The following FRMD3 variants were observed in gnomAD, a reference collection of about 807,000 sequenced individuals.
FRMD3 encodes the protein FERM domain containing 3.
A neutral mutation model predicts 70.2 loss-of-function variants in FRMD3; 33 were observed. That is an observed-to-expected ratio of 0.47 (90% CI 0.36 to 0.63). FRMD3 has a LOEUF of 0.63. FRMD3 is among the 20% of genes least tolerant of loss of function. The probability of loss-of-function intolerance (pLI) is 0.00; values close to 1 mark genes in which losing one functional copy is unlikely to be tolerated. For synonymous variants in FRMD3, 279 were observed against 255.9 expected (o/e 1.09, Z -0.86); for missense variants, 632 against 711.4 (o/e 0.89, Z 1.27).
intron 1 of FRMD3, among the ~76,000 whole-genome samples, chr9:83,530,991 A>G (rs1302586957): frequency 6.6e-6 from 1 of 152,168 alleles, no homozygotes; most frequent in Non-Finnish European, 1.5e-5. Context: ...TCACTGCTTC[A>G]GGGGTAAGCA....
At chr9:83,370,334 A>G (rs1032591706) in intron 3 of FRMD3, among the ~76,000 whole-genome samples, 1 of 152,238 alleles carries the variant, frequency 6.6e-6, no homozygotes, top group African/African-American at 2.4e-5. Flanking sequence ...GTACAAGAAC[A>G]CAGAAATTCT....
chr9:83,393,973 A>G (rs1825745102), intron 1 of FRMD3, among the ~76,000 whole-genome samples: 1 of 149,554 alleles, frequency 6.7e-6, no homozygotes, highest in African/African-American at 2.5e-5. Context: ...ATATTGGTCC[A>G]AAGTAGACTG....
chr9:83,486,486 T>C (rs1828693040), intron 1 of FRMD3, among the ~76,000 whole-genome samples: 1 of 152,186 alleles, frequency 6.6e-6, no homozygotes, highest in Admixed American at 6.5e-5. Flanking sequence ...ATCTTTAAAA[T>C]GACAGGAGGT....
the FRMD3 span, among the ~76,000 whole-genome samples, chr9:83,585,038 A>G: frequency 6.6e-6 from 1 of 152,166 alleles, no homozygotes; most frequent in Non-Finnish European, 1.5e-5. Context: ...TTAAAACCTT[A>G]GGAACATCAC....
intron 10 of FRMD3, among the ~76,000 whole-genome samples, chr9:83,303,807 AATC>A: frequency 6.6e-6 from 1 of 152,334 alleles, no homozygotes; most frequent in South Asian, 2.1e-4. Flanking sequence ...TACGAAAATC[AATC>A]ACCACTATCT....
chr9:83,337,677 A>T (rs1823625129), intron 5 of FRMD3, among the ~76,000 whole-genome samples: 1 of 152,236 alleles, frequency 6.6e-6, no homozygotes, highest in South Asian at 2.1e-4. Flanking sequence ...CCTTGAGTGC[A>T]TCTGAAAAAT....
chr9:83,509,093 C>T (rs930182228), intron 1 of FRMD3, among the ~76,000 whole-genome samples: 48 of 146,170 alleles, frequency 3.3e-4, no homozygotes, highest in Non-Finnish European at 6.1e-4. Context: ...ATTTTTGCCT[C>T]CCTTCAGGAG....
chr9:83,273,338 C>G (rs1833676362), intron 13 of FRMD3, among the ~76,000 whole-genome samples: 2 of 151,024 alleles, frequency 1.3e-5, no homozygotes, highest in Admixed American at 6.6e-5. Flanking sequence ...TACCCCCAAC[C>G]CCGTGCTCTC....
At chr9:83,405,081 G>A (rs1343190094) in intron 1 of FRMD3, among the ~76,000 whole-genome samples, 2 of 152,122 alleles carry the variant, frequency 1.3e-5, no homozygotes, top group African/African-American at 2.4e-5. Flanking sequence ...AGTGAAGACC[G>A]ACCATCTCTG....
intron 5 of FRMD3, 148 bp from the exon 6 acceptor site, chr9:83,335,787 G>T: frequency 1.6e-6 from 1 of 617,442 alleles, no homozygotes; most frequent in African/African-American, 1.9e-5. Flanking sequence ...GAAAGCCTGA[G>T]TGTCTAGAGG....
At chr9:83,410,313 C>A (rs1007945377) in intron 1 of FRMD3, among the ~76,000 whole-genome samples, 1 of 152,138 alleles carries the variant, frequency 6.6e-6, no homozygotes, top group Non-Finnish European at 1.5e-5. Flanking sequence ...CTCCCTCCCC[C>A]ACAGTAGTCC....
chr9:83,335,717 C>T (rs770482734), intron 5 of FRMD3, 78 bp from the exon 6 acceptor site: 90 of 1,280,244 alleles, frequency 7.0e-5, no homozygotes, highest in Middle Eastern at 5.7e-4. Flanking sequence ...GGAGTGCCTC[C>T]TGCCATCCAA....
chr9:83,539,090 T>C (rs1386178983), upstream of FRMD3, among the ~76,000 whole-genome samples: 1 of 152,214 alleles, frequency 6.6e-6, no homozygotes, highest in Non-Finnish European at 1.5e-5. Context: ...TTTGATAGCA[T>C]ACCTTTGACC....
At chr9:83,425,506 A>G (rs1193057976) in intron 1 of FRMD3, among the ~76,000 whole-genome samples, 1 of 152,216 alleles carries the variant, frequency 6.6e-6, no homozygotes, top group Non-Finnish European at 1.5e-5. Context: ...AAACCTGTCC[A>G]GCAGGCACCT....
chr9:83,435,714 A>C (rs959865792), intron 1 of FRMD3, among the ~76,000 whole-genome samples: 4 of 152,206 alleles, frequency 2.6e-5, no homozygotes, highest in African/African-American at 9.7e-5. Flanking sequence ...ATTAAGACAA[A>C]TCCATTTTGG....
At chr9:83,383,560 T>C (rs1195989218) in intron 2 of FRMD3, among the ~76,000 whole-genome samples, 1 of 152,246 alleles carries the variant, frequency 6.6e-6, no homozygotes, top group Non-Finnish European at 1.5e-5. Flanking sequence ...TGCTGGTCTC[T>C]AGTCAGCCCT....
intron 13 of FRMD3, among the ~76,000 whole-genome samples, chr9:83,251,043 C>T (rs1304595513): frequency 6.6e-6 from 1 of 152,182 alleles, no homozygotes; most frequent in African/African-American, 2.4e-5. Flanking sequence ...GTCTGTGAGC[C>T]CAGTCCTACT....
the FRMD3 span, among the ~76,000 whole-genome samples, chr9:83,579,413 T>C: frequency 6.6e-6 from 1 of 151,752 alleles, no homozygotes; most frequent in Admixed American, 6.6e-5. Context: ...CAAAACAGCA[T>C]GGTAATGGCA....
Position 83,435,301 on chromosome 9 carries a change from C to T in FRMD3, c.148-45593G>A, listed in dbSNP as rs147626182. Among the ~76,000 whole-genome samples, 539 of 152,244 alleles carry T rather than the reference C, an allele frequency of 3.5e-3. 1 individual carries two copies. The highest frequency in any genetic ancestry group is 8.8e-3 in the Admixed American group (134 of 15,296). ...AATATCCAGGCCCACCTGGCAGATCCTTTGGTCCCTCCTAGTTTGGAAAAG... is the reference window on the plus strand; with the variant it reads ...AATATCCAGGCCCACCTGGCAGATCTTTTGGTCCCTCCTAGTTTGGAAAAG... On this transcript the variant is annotated intron_variant, in intron 1 of 13. Coordinates refer to ENST00000304195, the MANE Select transcript of FRMD3 (RefSeq NM_174938.6).
Sources: allele counts gnomAD v4.1 joint callset (sites outside exome capture counted in the v4.1 genomes callset), GRCh38; gene constraint gnomAD v4.1.1; transcripts MANE v1.5; gene names NCBI Gene and HGNC (gene_info 2026-07-23, HGNC 2026-07-21).